The following FANCL variants were observed in gnomAD, a reference collection of about 807,000 sequenced individuals.
The protein encoded by FANCL is E3 ubiquitin-protein ligase FANCL.
In FANCL, 69 loss-of-function variants were observed where a neutral mutation model predicts 59.4. That is an observed-to-expected ratio of 1.16 (90% CI 0.96 to 1.42). The LOEUF (loss-of-function observed/expected upper bound fraction) is 1.42, where lower values mean the gene tolerates loss of function less well. Among genes scored for constraint, FANCL ranks in the 40% most tolerant of loss-of-function variants. The pLI is 0.00. For synonymous variants in FANCL, 180 were observed against 147.1 expected (o/e 1.22, Z -1.62); for missense variants, 519 against 447.2 (o/e 1.16, Z -1.45).
intron 2 of FANCL, among the ~76,000 whole-genome samples, chr2:58,230,588 T>A (rs1437585929): frequency 6.6e-6 from 1 of 152,244 alleles, no homozygotes; most frequent in African/African-American, 2.4e-5. Context: ...GAATTACTTT[T>A]AGTTACCTAC....
intron 5 of FANCL, among the ~76,000 whole-genome samples, chr2:58,218,845 G>A (rs1422919482): frequency 6.6e-6 from 1 of 151,900 alleles, no homozygotes; most frequent in Non-Finnish European, 1.5e-5. Context: ...GACTGGAGTT[G>A]TAGACATCAG....
chr2:58,201,390 T>G (rs907477255), intron 6 of FANCL, among the ~76,000 whole-genome samples: 1 of 151,598 alleles, frequency 6.6e-6, no homozygotes, highest in Non-Finnish European at 1.5e-5. Flanking sequence ...AAAGATTACA[T>G]AATATTAAGT....
intron 7 of FANCL, among the ~76,000 whole-genome samples, chr2:58,198,275 G>T (rs1302473519): frequency 6.6e-6 from 1 of 152,084 alleles, no homozygotes; most frequent in Non-Finnish European, 1.5e-5. Flanking sequence ...CCTACCCACG[G>T]ATTCCACATG....
At chr2:58,211,929 A>G (rs1247143607) in intron 5 of FANCL, among the ~76,000 whole-genome samples, 3 of 152,194 alleles carry the variant, frequency 2.0e-5, no homozygotes, top group African/African-American at 7.2e-5. Context: ...AGGAAGTTCC[A>G]AACTCTCCCA....
At chr2:58,177,763 C>T (rs1311034007) in intron 7 of FANCL, among the ~76,000 whole-genome samples, 1 of 145,762 alleles carries the variant, frequency 6.9e-6, no homozygotes, top group Middle Eastern at 3.2e-3. Context: ...CACATGTACA[C>T]TAAAACTTAA....
chr2:58,185,961 T>C (rs902235294), intron 7 of FANCL, among the ~76,000 whole-genome samples: 2 of 152,162 alleles, frequency 1.3e-5, no homozygotes, highest in African/African-American at 2.4e-5. Context: ...GAGAAACACT[T>C]ACATTCTGCA....
chr2:58,195,471 A>C (rs773054616), intron 7 of FANCL, among the ~76,000 whole-genome samples: 5 of 152,192 alleles, frequency 3.3e-5, no homozygotes, highest in Non-Finnish European at 5.9e-5. Flanking sequence ...TAAATACTTA[A>C]ATAGCAAAAA....
At chr2:58,236,456 C>A (rs1694032214) in intron 1 of FANCL, among the ~76,000 whole-genome samples, 1 of 149,386 alleles carries the variant, frequency 6.7e-6, no homozygotes, top group Non-Finnish European at 1.5e-5. Context: ...ACCCTTTAAG[C>A]AACTAGTTAA....
At chr2:58,187,950 T>G (rs1369421310) in intron 7 of FANCL, among the ~76,000 whole-genome samples, 4 of 152,202 alleles carry the variant, frequency 2.6e-5, no homozygotes, top group Non-Finnish European at 1.5e-5. Flanking sequence ...TTTATCAATT[T>G]GTTCTTTTTT....
intron 7 of FANCL, among the ~76,000 whole-genome samples, chr2:58,191,525 T>C (rs935015786): frequency 2.0e-5 from 3 of 151,904 alleles, no homozygotes; most frequent in African/African-American, 7.2e-5. Context: ...TGTAGTCACC[T>C]TCCACATCCA....
chr2:58,240,606 G>A (rs1694434723), intron 1 of FANCL, among the ~76,000 whole-genome samples: 2 of 152,192 alleles, frequency 1.3e-5, no homozygotes, highest in African/African-American at 4.8e-5. Context: ...AAAGCGCTTT[G>A]TAAACTTCAA....
intron 7 of FANCL, among the ~76,000 whole-genome samples, chr2:58,167,283 G>T: frequency 6.6e-6 from 1 of 152,196 alleles, no homozygotes; most frequent in East Asian, 1.9e-4. Flanking sequence ...GATATTGACG[G>T]TATAATGTCT....
At chr2:58,218,538 T>C (rs964573689) in intron 5 of FANCL, among the ~76,000 whole-genome samples, 1 of 151,304 alleles carries the variant, frequency 6.6e-6, no homozygotes, top group Admixed American at 6.6e-5. Flanking sequence ...GTGTTACAAA[T>C]ATGGGAAAGA....
intron 1 of FANCL, among the ~76,000 whole-genome samples, chr2:58,236,757 TAAA>T (rs1342600588): frequency 1.3e-5 from 2 of 151,602 alleles, no homozygotes; most frequent in African/African-American, 4.8e-5. Context: ...AAGTTTAAAA[TAAA>T]GAAGTAAAGA....
chr2:58,177,322 A>G (rs539064553), intron 7 of FANCL, among the ~76,000 whole-genome samples: 2 of 152,272 alleles, frequency 1.3e-5, no homozygotes, highest in African/African-American at 4.8e-5. Flanking sequence ...CTATAAAGAC[A>G]CATGCACATC....
chr2:58,169,299 G>T (rs1037479533), intron 7 of FANCL, among the ~76,000 whole-genome samples: 3 of 152,174 alleles, frequency 2.0e-5, no homozygotes, highest in Admixed American at 2.0e-4. Context: ...AAATCCAGCA[G>T]ACCTGCAGCA....
At chr2:58,170,436 G>A (rs956616812) in intron 7 of FANCL, among the ~76,000 whole-genome samples, 4 of 152,158 alleles carry the variant, frequency 2.6e-5, no homozygotes, top group Non-Finnish European at 4.4e-5. Context: ...AAAAACATAC[G>A]AAAATGTAAA....
chr2:58,175,920 G>A (rs1411055200), intron 7 of FANCL, among the ~76,000 whole-genome samples: 1 of 152,024 alleles, frequency 6.6e-6, no homozygotes, highest in Non-Finnish European at 1.5e-5. Context: ...AAGCTGATAA[G>A]CAACTTCAGC....
At chr2:58,205,134 C>T (rs1445798959) in intron 5 of FANCL, among the ~76,000 whole-genome samples, 1 of 151,860 alleles carries the variant, frequency 6.6e-6, no homozygotes, top group Non-Finnish European at 1.5e-5. Context: ...CATTGGAGTT[C>T]AGAATATAAG....
Sources: allele counts gnomAD v4.1 joint callset (sites outside exome capture counted in the v4.1 genomes callset), GRCh38; gene constraint gnomAD v4.1.1; transcripts MANE v1.5; gene names NCBI Gene and HGNC (gene_info 2026-07-23, HGNC 2026-07-21).